Variants in FBXL7 observed in about 807,000 individuals in gnomAD.
FBXL7 encodes the protein F-box and leucine rich repeat protein 7, also known as F-box/LRR-repeat protein 7.
In FBXL7, 12 loss-of-function variants were observed where a neutral mutation model predicts 38.3. The ratio of observed to expected loss-of-function variants is 0.31; its 90% CI spans 0.20 to 0.51. The LOEUF is 0.51. FBXL7 is among the 20% of genes least tolerant of loss of function. The pLI is 0.98. For missense variants in FBXL7, 567 were observed against 676.4 expected (o/e 0.84, Z 1.79); for synonymous variants, 297 against 300.9 (o/e 0.99, Z 0.13).
At chr5:15,567,669 A>G (rs922732494) in intron 1 of FBXL7, among the ~76,000 whole-genome samples, 11 of 152,024 alleles carry the variant, frequency 7.2e-5, no homozygotes, top group African/African-American at 2.7e-4. Context: ...ATACGTATAC[A>G]TGTGCCATGT....
rs1256006713 is a variant in FBXL7 at position 15,630,092 on chromosome 5, C to A, written c.127+14020C>A. 2.0e-5 allele frequency among the ~76,000 whole-genome samples: 3 copies of A among 152,192 alleles called. No homozygotes were observed. The East Asian group carries it at 5.8e-4, about 29-fold the overall frequency. ...TACCATTTCTATTTTACATTTTCAG[C>A]ATTTTAAAACCAAAAGACAGTTTAT... On this transcript the variant is annotated intron_variant, in intron 2 of 3. Transcript: ENST00000504595.
intron 2 of FBXL7, among the ~76,000 whole-genome samples, chr5:15,797,675 A>G (rs759324008): frequency 4.6e-5 from 7 of 152,214 alleles, no homozygotes; most frequent in Non-Finnish European, 7.3e-5. Context: ...TGCTCAAAAT[A>G]TGCAGCATTT....
At chr5:15,601,791 C>T (rs1197505482) in intron 1 of FBXL7, among the ~76,000 whole-genome samples, 3 of 152,152 alleles carry the variant, frequency 2.0e-5, no homozygotes, top group African/African-American at 4.8e-5. Context: ...TTTAATTCGG[C>T]AGAAAATAAT....
At chr5:15,827,607 G>A (rs1482259401) in intron 2 of FBXL7, among the ~76,000 whole-genome samples, 1 of 152,166 alleles carries the variant, frequency 6.6e-6, no homozygotes, top group African/African-American at 2.4e-5. Flanking sequence ...GAGAAAGAGA[G>A]AAAGGGGTCT....
At chr5:15,545,661 T>C (rs1000769600) in intron 1 of FBXL7, among the ~76,000 whole-genome samples, 12 of 152,230 alleles carry the variant, frequency 7.9e-5, no homozygotes, top group African/African-American at 2.9e-4. Context: ...TCTGGCATCA[T>C]AATAGATGTG....
chr5:15,721,390 CACCCATAAT>C lies in FBXL7; in HGVS notation c.127+105320_127+105328del, dbSNP rs1744190130. Among the ~76,000 whole-genome samples the C allele has an allele frequency of 2.0e-5, 3 of 152,170 alleles. No homozygotes were observed. In the South Asian group the frequency reaches 6.2e-4, roughly 32 times the overall value. On this transcript the variant is annotated intron_variant, in intron 2 of 3. Transcript: ENST00000504595. The stretch of plus-strand genomic sequence containing the variant: ...GAGTTATGAGATCTAAAGGTAACAT[CACCCATAAT>C]ATGTGGGAAGTGCCCTGCCAAAAAT...
Position 15,549,224 on chromosome 5 carries a change from A to G in FBXL7, c.37+48511A>G, listed in dbSNP as rs117101117. Reference sequence around the variant, plus strand: ...AGGCATAGCATATTCTACACATAGCATAGAATAATTCCCATCACAAAGTAG... The same window carrying G: ...AGGCATAGCATATTCTACACATAGCGTAGAATAATTCCCATCACAAAGTAG... On this transcript the variant is annotated intron_variant, in intron 1 of 3. Coordinates refer to ENST00000504595, the MANE Select transcript of FBXL7 (RefSeq NM_012304.5). Among the ~76,000 whole-genome samples, 79 of 152,350 alleles carry G rather than the reference A, an allele frequency of 5.2e-4. 1 individual carries two copies. In the East Asian group the frequency reaches 0.014, roughly 27 times the overall value.
chr5:15,688,273 A>G (rs910901155), intron 2 of FBXL7, among the ~76,000 whole-genome samples: 3 of 152,216 alleles, frequency 2.0e-5, no homozygotes, highest in Non-Finnish European at 2.9e-5. Context: ...GATGGGAACC[A>G]TTGATTAAGT....
In FBXL7 at chr5:15,928,453, T is replaced by C. The variant is rs1239928760; in HGVS notation, c.691T>C (p.Phe231Leu). Reference sequence around the variant, plus strand: ...TTACAATATCTCCAACGAGGCCGTCTTTGATGTGGTGTCCCTCTGCCCTAA... The same window carrying C: ...TTACAATATCTCCAACGAGGCCGTCCTTGATGTGGTGTCCCTCTGCCCTAA... ...GCYNISNEAV[F>L]DVVSLCPNLE... is the part of the protein sequence containing the mutation. Residue 231 changes from phenylalanine (F) to leucine (L), a missense_variant, in exon 3 of 4, where the codon TTT becomes CTT. Physicochemically the swap from Phe to Leu is conservative, Grantham distance 22. Transcript: ENST00000504595. The surrounding 1 kb of genome is among the most constrained non-coding windows in gnomAD (Gnocchi z 4.0). 9.3e-6 allele frequency: 15 copies of C among 1,613,888 alleles called. No individual in the cohort carries two copies. The highest frequency in any genetic ancestry group is 1.3e-5 in the Non-Finnish European group (15 of 1,179,880).
chr5:15,719,637 G>T (rs927104542), intron 2 of FBXL7, among the ~76,000 whole-genome samples: 1 of 148,738 alleles, frequency 6.7e-6, no homozygotes, highest in Non-Finnish European at 1.5e-5. Flanking sequence ...TCCTGTGAGG[G>T]TGGCAATTTT....
chr5:15,643,328 G>A (rs1741427975), intron 2 of FBXL7, among the ~76,000 whole-genome samples: 1 of 152,152 alleles, frequency 6.6e-6, no homozygotes, highest in Non-Finnish European at 1.5e-5. Context: ...GTATTTAAGA[G>A]CCAATAAAAT....
intron 2 of FBXL7, among the ~76,000 whole-genome samples, chr5:15,804,255 G>T (rs111673396): frequency 6.6e-6 from 1 of 151,968 alleles, no homozygotes; most frequent in Non-Finnish European, 1.5e-5. Context: ...TTCTCTTGAG[G>T]CCAGGAGTTT....
At position 15,928,661 on chromosome 5, in the gene FBXL7, A is replaced by T. The variant is rs527351479; in HGVS notation, c.739+160A>T. 5.8e-4 allele frequency among the ~76,000 whole-genome samples: 88 copies of T among 152,136 alleles called. No individual in the cohort carries two copies. Among genetic ancestry groups the T allele is most frequent in the Non-Finnish European group, 5.7e-4 (39 of 68,012 alleles). ...TTTGCAGAGAAACTGTCTCTATGGA[A>T]TCATGACCCTGGAGGCCACAAGTTT... On this transcript the variant is annotated intron_variant, in intron 3 of 3. Transcript: ENST00000504595. The surrounding 1 kb of genome is among the most constrained non-coding windows in gnomAD (Gnocchi z 4.0).
At chr5:15,610,068 A>G (rs1740176658) in intron 1 of FBXL7, among the ~76,000 whole-genome samples, 1 of 152,186 alleles carries the variant, frequency 6.6e-6, no homozygotes, top group Admixed American at 6.5e-5. Context: ...TTATAAAACC[A>G]TCAGATCTTG....
chr5:15,659,436 G>A (rs546765504), intron 2 of FBXL7, among the ~76,000 whole-genome samples: 5 of 152,132 alleles, frequency 3.3e-5, no homozygotes, highest in Non-Finnish European at 7.4e-5. Context: ...ACAGTGTGTT[G>A]GTGGACATGT....
chr5:15,883,157 G>A (rs1392665438), intron 2 of FBXL7, among the ~76,000 whole-genome samples: 1 of 152,014 alleles, frequency 6.6e-6, no homozygotes, highest in Non-Finnish European at 1.5e-5. Context: ...TTAAGTTAAG[G>A]TAGAAAATAT....
At chr5:15,519,794 A>G (rs1366701890) in intron 1 of FBXL7, among the ~76,000 whole-genome samples, 1 of 152,206 alleles carries the variant, frequency 6.6e-6, no homozygotes, top group Non-Finnish European at 1.5e-5. Flanking sequence ...CACTCTGGTT[A>G]GTAGTTTCCT....
chr5:15,636,226 T>A (rs921408074), intron 2 of FBXL7, among the ~76,000 whole-genome samples: 1 of 152,132 alleles, frequency 6.6e-6, no homozygotes, highest in Non-Finnish European at 1.5e-5. Flanking sequence ...CAATCTATTA[T>A]ATTACCACAT....
rs574554233 is a variant in FBXL7 at position 15,709,832 on chromosome 5, T to A, written c.127+93760T>A. The stretch of plus-strand genomic sequence containing the variant: ...GCTGAGAGCCTATTCTTACAGCATC[T>A]TCTTTCTGTGTCTTCAGATAGTGGA... On this transcript the variant is annotated intron_variant, in intron 2 of 3. Transcript: ENST00000504595. Among the ~76,000 whole-genome samples the A allele has an allele frequency of 2.0e-5, 3 of 152,304 alleles. No individual in the cohort carries two copies. In the East Asian group the frequency reaches 5.8e-4, roughly 29 times the overall value.
Sources: allele counts gnomAD v4.1 joint callset (sites outside exome capture counted in the v4.1 genomes callset), GRCh38; gene constraint gnomAD v4.1.1; non-coding constraint Gnocchi (gnomAD v3.1); transcripts MANE v1.5; gene names NCBI Gene and HGNC (gene_info 2026-07-23, HGNC 2026-07-21).